XCL2: variants seen among roughly 807,000 people sequenced by gnomAD.
The protein encoded by XCL2 is cytokine SCM-1 beta.
In XCL2, 8 loss-of-function variants were observed where a neutral mutation model predicts 7.2. That is an observed-to-expected ratio of 1.10 (90% CI 0.65 to 1.99). The LOEUF (loss-of-function observed/expected upper bound fraction) is 1.99, where lower values mean the gene tolerates loss of function less well. Ranked by LOEUF, XCL2 falls within the 30% of genes most tolerant of loss-of-function variation. The probability of loss-of-function intolerance (pLI) is 0.00; values close to 1 mark genes in which losing one functional copy is unlikely to be tolerated. For missense variants in XCL2, 131 were observed against 138.6 expected (o/e 0.94, Z 0.28); for synonymous variants, 46 against 54.2 (o/e 0.85, Z 0.67).
rs558497766 is a variant in XCL2 at position 168,542,043 on chromosome 1, A to G, written c.126T>C (p.Val42=). ...TGATGGTGTAGGTCTTGATTCTGCT[A>G]ACTGGCAGTCGCTGGGTAGTGAGGC... is the stretch of plus-strand genomic sequence containing the variant. The part of the protein sequence containing the change: ...CVSLTTQRLP[V]SRIKTYTITE... The change falls in exon 2 of 3, where the codon GTT becomes GTC. Residue 42 remains valine (V), a synonymous_variant. Transcript: ENST00000367819. The G allele has an allele frequency of 6.2e-7, 1 of 1,601,848 alleles. No individual in the cohort carries two copies. The highest frequency in any genetic ancestry group is 8.5e-7 in the Non-Finnish European group (1 of 1,173,910).
chr1:168,543,420 C>G (rs1457586448), intron 1 of XCL2: 1 of 180,188 alleles, frequency 5.5e-6, no homozygotes, highest in East Asian at 1.7e-4. Flanking sequence ...CATATTGTAA[C>G]TGAACTCTCT....
At chr1:168,543,782 G>C (rs567397478) in intron 1 of XCL2, 122 bp downstream of exon 1, 2 of 1,339,304 alleles carry the variant, frequency 1.5e-6, no homozygotes, top group Non-Finnish European at 2.1e-6. Context: ...TTGCACATGG[G>C]AAGTTTAAGG....
chr1:168,542,704 A>G (rs1264104029), intron 1 of XCL2: 1 of 162,556 alleles, frequency 6.2e-6, no homozygotes, highest in Non-Finnish European at 1.3e-5. Context: ...TAAATGGTCA[A>G]ATTTCCCTCT....
chr1:168,542,150 A>C, intron 1 of XCL2, 43 bp from the exon 2 acceptor site: 1 of 1,441,826 alleles, frequency 6.9e-7, no homozygotes, highest in Middle Eastern at 1.9e-4. Flanking sequence ...AAATAAAGCA[A>C]TTACCCAGAT....
At chr1:168,541,166 G>A (rs1487315124) in intron 2 of XCL2, 46 bp from the exon 3 acceptor site, 1 of 1,604,966 alleles carries the variant, frequency 6.2e-7, no homozygotes. Context: ...CGTTCTCAAA[G>A]CCTCAGGGTC....
chr1:168,540,969 C>A lies in XCL2; in HGVS notation c.328G>T (p.Val110Leu). 2 of 1,613,654 alleles carry A rather than the reference C, an allele frequency of 1.2e-6. No homozygotes were observed. Among genetic ancestry groups the A allele is most frequent in the Non-Finnish European group, 1.7e-6 (2 of 1,179,690 alleles). Residue 110 changes from valine to leucine, a missense_variant, in exon 3 of 3, where the codon GTG becomes TTG. Transcript: ENST00000367819. The stretch of plus-strand genomic sequence containing the variant: ...AGAGACTACTAGCCAGTCAGGGTCA[C>A]AGCTGTATTGGTCGATTGCTGGGTT... The part of the protein sequence containing the change: ...TGTQQSTNTA[V>L]TLTG
In XCL2 at chr1:168,541,122, T is replaced by A; in HGVS notation, c.177-2A>T. On this transcript the variant is annotated splice_acceptor_variant, in intron 2 of 2. Transcript: ENST00000367819. LOFTEE classifies it high-confidence loss of function. ...TTTAGGCCACGTTTGGTAATAAAAC[T>A]GTAACGCAAGGAAAAGACAGATGAA... The A allele has an allele frequency of 1.2e-6, 2 of 1,613,280 alleles. No homozygotes were observed. The highest frequency in any genetic ancestry group is 1.7e-6 in the Non-Finnish European group (2 of 1,179,428).
chr1:168,541,473 A>G (rs1178286922), intron 2 of XCL2, among the ~76,000 whole-genome samples: 2 of 152,100 alleles, frequency 1.3e-5, no homozygotes, highest in African/African-American at 4.8e-5. Flanking sequence ...TTTTTTAAAA[A>G]GGTGATTTTT....
At position 168,542,077 on chromosome 1, in the gene XCL2, G is replaced by A. The variant is rs763093707; in HGVS notation, c.92C>T (p.Thr31Ile). 6.4e-7 allele frequency: 1 copy of A among 1,550,458 alleles called. No individual in the cohort carries two copies. The highest frequency in any genetic ancestry group is 1.4e-5 in the African/African-American group (1 of 73,882). Reference protein sequence around the residue: ...GVGSEVSHRRTCVSLTTQRLP... With the variant: ...GVGSEVSHRRICVSLTTQRLP... ...TCGCTGGGTAGTGAGGCTCACACAG[G>A]TCCTCCTATGTGAGACTTCACTCCC... Residue 31 changes from threonine (T) to isoleucine (I), a missense_variant, in exon 2 of 3, where the codon ACC (threonine) becomes ATC (isoleucine). Transcript: ENST00000367819.
Position 168,540,878 on chromosome 1 carries a change from G to A in XCL2, c.*74C>T. Reference sequence around the variant, plus strand: ...CATGCAGTGCTTTCATAAAAGGTGAGTATAATCTCAGTCCATGAGGGTGTA... The same window carrying A: ...CATGCAGTGCTTTCATAAAAGGTGAATATAATCTCAGTCCATGAGGGTGTA... On this transcript the variant is annotated 3_prime_UTR_variant, in exon 3 of 3. Coordinates refer to ENST00000367819, the MANE Select transcript of XCL2 (RefSeq NM_003175.4). 1 of 1,542,026 alleles carries A rather than the reference G, an allele frequency of 6.5e-7. No homozygotes were observed. Among genetic ancestry groups the A allele is most frequent in the South Asian group, 1.3e-5 (1 of 79,626 alleles).
At chr1:168,543,504 A>G (rs1654336778) in intron 1 of XCL2, 1 of 196,226 alleles carries the variant, frequency 5.1e-6, no homozygotes, top group African/African-American at 2.4e-5. Flanking sequence ...CATCACCTCT[A>G]ATCCATAGCT....
Position 168,541,013 on chromosome 1 carries a change from A to T in XCL2, c.284T>A (p.Ile95Asn), listed in dbSNP as rs1404822621. ...CTGGGTTCCTGTTGGCTTGGTCTGG[A>T]TCATGTTATTTCTGGTGTTGGATTT... Reference protein sequence around the residue: ...DRKSNTRNNMIQTKPTGTQQS... With the variant: ...DRKSNTRNNMNQTKPTGTQQS... The change falls in exon 3 of 3, where the codon ATC becomes AAC. Residue 95 changes from isoleucine (I) to asparagine (N), a missense_variant. Ile to Asn is a moderately radical substitution (Grantham distance 149). Coordinates refer to ENST00000367819, the MANE Select transcript of XCL2 (RefSeq NM_003175.4). The T allele has an allele frequency of 8.1e-6, 13 of 1,613,512 alleles. No individual in the cohort carries two copies. Among genetic ancestry groups the T allele is most frequent in the Non-Finnish European group, 1.0e-5 (12 of 1,179,724 alleles).
chr1:168,541,402 C>T (rs559815118), intron 2 of XCL2, among the ~76,000 whole-genome samples: 1 of 152,090 alleles, frequency 6.6e-6, no homozygotes, highest in African/African-American at 2.4e-5. Flanking sequence ...ACATTTGAGG[C>T]CATCTAGTTC....
chr1:168,541,767 A>C (rs1654288609), intron 2 of XCL2, among the ~76,000 whole-genome samples: 1 of 152,208 alleles, frequency 6.6e-6, no homozygotes, highest in African/African-American at 2.4e-5. Context: ...AGACAAATAG[A>C]GGAGGACTTC....
rs1311032666 is a variant in XCL2 at position 168,541,022 on chromosome 1, T to C, written c.275A>G (p.Asn92Ser). The C allele has an allele frequency of 6.2e-7, 1 of 1,613,702 alleles. No individual in the cohort carries two copies. Among genetic ancestry groups the C allele is most frequent in the Admixed American group, 1.7e-5 (1 of 59,944 alleles). Residue 92 changes from asparagine (N) to serine (S), a missense_variant, in exon 3 of 3, where the codon AAT becomes AGT. Physicochemically the swap from Asn to Ser is conservative, Grantham distance 46 (BLOSUM62 1). Transcript: ENST00000367819. Reference protein sequence around the residue: ...RSMDRKSNTRNNMIQTKPTGT... With the variant: ...RSMDRKSNTRSNMIQTKPTGT... Reference sequence around the variant, plus strand: ...TGTTGGCTTGGTCTGGATCATGTTATTTCTGGTGTTGGATTTCCTGTCCAT... The same window carrying C: ...TGTTGGCTTGGTCTGGATCATGTTACTTCTGGTGTTGGATTTCCTGTCCAT...
rs545311531 is a variant in XCL2 at position 168,543,811 on chromosome 1, T to G, written c.61+93A>C. 1,694 of 1,582,200 alleles carry G rather than the reference T, an allele frequency of 1.1e-3. 9 individuals carry two copies. The highest frequency in any genetic ancestry group is 4.5e-3 in the South Asian group (402 of 89,498). On this transcript the variant is annotated intron_variant, in intron 1 of 2. Transcript: ENST00000367819. Reference sequence around the variant, plus strand: ...TTTAAGGCTCCCCTGGAGACAGCAGTTTAGTCCAGTCAAAACCCGAGTCAA... The same window carrying G: ...TTTAAGGCTCCCCTGGAGACAGCAGGTTAGTCCAGTCAAAACCCGAGTCAA...
At chr1:168,541,677 A>G (rs942775613) in intron 2 of XCL2, among the ~76,000 whole-genome samples, 1 of 152,146 alleles carries the variant, frequency 6.6e-6, no homozygotes, top group Non-Finnish European at 1.5e-5. Context: ...TGAGGCTTGC[A>G]GGGAAACCCT....
In XCL2 at chr1:168,541,700, C is replaced by T. The variant is rs535968452; in HGVS notation, c.176+293G>A. Among the ~76,000 whole-genome samples, 114 of 152,226 alleles carry T rather than the reference C, an allele frequency of 7.5e-4. 1 individual carries two copies. The highest frequency in any genetic ancestry group is 1.8e-3 in the African/African-American group (76 of 41,544). The stretch of plus-strand genomic sequence containing the variant: ...GCAGGGAAACCCTGACATGAGCCAG[C>T]CATCTCTAAACCCAGATCTCAGAGC... On this transcript the variant is annotated intron_variant, in intron 2 of 2. Transcript: ENST00000367819.
In XCL2 at chr1:168,542,724, G is replaced by A. The variant is rs117662245; in HGVS notation, c.62-617C>T. 4.5e-4 allele frequency: 72 copies of A among 161,572 alleles called. 1 individual carries two copies. The East Asian group carries it at 0.012, about 28-fold the overall frequency. 10.0% of individuals were successfully genotyped at this position (161,572 alleles called of 1,614,324 possible). On this transcript the variant is annotated intron_variant, in intron 1 of 2. Transcript: ENST00000367819. ...GGTCAAATTTCCCTCTCTGTCAGCT[G>A]CCTAAGATGCTGAAAAGAAAGAAGG...
Sources: gnomAD v4.1 joint callset for allele counts (sites outside exome capture counted in the v4.1 genomes callset) on GRCh38, gnomAD v4.1.1 for gene constraint, MANE v1.5 for transcripts, NCBI Gene and HGNC (gene_info 2026-07-23, HGNC 2026-07-21) for gene names.